RPS6KC1: variants seen among roughly 807,000 people sequenced by gnomAD.
RPS6KC1 encodes the protein inactive ribosomal protein S6 kinase delta-1.
A neutral mutation model predicts 103.8 loss-of-function variants in RPS6KC1; 54 were observed. The observed-to-expected ratio is 0.52, with a 90% CI of 0.42 to 0.65. RPS6KC1 has a LOEUF of 0.65. Among genes scored for constraint, RPS6KC1 ranks in the 30% least tolerant of loss-of-function variants. RPS6KC1 has a pLI of 0.00. For missense variants in RPS6KC1, 1,151 were observed against 1,253.8 expected, an observed-to-expected ratio of 0.92 and a Z score of 1.24; for synonymous variants, 439 against 438.7, an observed-to-expected ratio of 1.00 and a Z score of -0.01.
the RPS6KC1 span, among the ~76,000 whole-genome samples, chr1:213,775,515 G>A: frequency 2.0e-5 from 3 of 152,110 alleles, no homozygotes; most frequent in Non-Finnish European, 2.9e-5. Flanking sequence ...TATCAAGTGT[G>A]CAATAGCATT....
chr1:213,514,673 A>G, the RPS6KC1 span, among the ~76,000 whole-genome samples: 25 of 152,178 alleles, frequency 1.6e-4, no homozygotes, highest in Non-Finnish European at 3.4e-4. Context: ...TATTGTGAAT[A>G]GTGCCGCAAT....
intron 12 of RPS6KC1, among the ~76,000 whole-genome samples, chr1:213,248,456 G>C (rs568776779): frequency 6.6e-6 from 1 of 152,176 alleles, no homozygotes; most frequent in South Asian, 2.1e-4. Context: ...TATTCTTCAG[G>C]AGAACCAGTT....
chr1:213,309,873 C>T, the RPS6KC1 span, among the ~76,000 whole-genome samples: 5 of 152,056 alleles, frequency 3.3e-5, no homozygotes, highest in African/African-American at 9.7e-5. Flanking sequence ...TTAGTGGAGA[C>T]GGGGTTTTGT....
At chr1:213,364,909 G>A in the RPS6KC1 span, among the ~76,000 whole-genome samples, 3 of 152,048 alleles carry the variant, frequency 2.0e-5, no homozygotes, top group African/African-American at 7.2e-5. Context: ...AGTAAGCCGA[G>A]ATCGCACCAC....
At chr1:213,660,358 C>G in the RPS6KC1 span, among the ~76,000 whole-genome samples, 60 of 152,346 alleles carry the variant, frequency 3.9e-4, no homozygotes, top group Middle Eastern at 3.4e-3. Flanking sequence ...ATTTTAGACT[C>G]TACCCTCCTC....
chr1:213,674,845 G>A, the RPS6KC1 span, among the ~76,000 whole-genome samples: 1 of 152,110 alleles, frequency 6.6e-6, no homozygotes, highest in Non-Finnish European at 1.5e-5. Flanking sequence ...ACTGGTATAA[G>A]ATGGTATCTC....
At chr1:213,724,882 A>G in the RPS6KC1 span, among the ~76,000 whole-genome samples, 2 of 152,178 alleles carry the variant, frequency 1.3e-5, no homozygotes, top group African/African-American at 2.4e-5. Flanking sequence ...AAAGAGTGCT[A>G]TCTCTTTTCA....
chr1:213,552,799 C>T, the RPS6KC1 span, among the ~76,000 whole-genome samples: 3 of 152,146 alleles, frequency 2.0e-5, no homozygotes, highest in Non-Finnish European at 4.4e-5. Flanking sequence ...TCTTTGATCA[C>T]TACTCGGAGG....
At chr1:213,328,007 A>G in the RPS6KC1 span, among the ~76,000 whole-genome samples, 1 of 152,118 alleles carries the variant, frequency 6.6e-6, no homozygotes, top group South Asian at 2.1e-4. Flanking sequence ...TTCCCTTTAT[A>G]ACTCTTACCA....
chr1:213,411,307 G>A, the RPS6KC1 span, among the ~76,000 whole-genome samples: 5 of 152,224 alleles, frequency 3.3e-5, no homozygotes, highest in East Asian at 1.9e-4. Context: ...CCACCTGGCC[G>A]AGAGGGAGGT....
At chr1:213,290,144 CAAAA>C in the RPS6KC1 span, among the ~76,000 whole-genome samples, 3 of 70,092 alleles carry the variant, frequency 4.3e-5, no homozygotes, top group East Asian at 1.3e-3. Flanking sequence ...GACTCCGTCT[CAAAA>C]AAAAAAAAAA....
chr1:213,759,527 T>C, the RPS6KC1 span, among the ~76,000 whole-genome samples: 1 of 152,208 alleles, frequency 6.6e-6, no homozygotes, highest in Non-Finnish European at 1.5e-5. Context: ...ATTATTTCCA[T>C]GTCACAGATG....
intron 5 of RPS6KC1, among the ~76,000 whole-genome samples, chr1:213,124,950 A>G (rs545473325): frequency 3.9e-5 from 6 of 152,248 alleles, no homozygotes; most frequent in South Asian, 4.1e-4. Flanking sequence ...ACTTGTGTCT[A>G]ACTCCTTTTT....
chr1:213,369,865 C>T, the RPS6KC1 span, among the ~76,000 whole-genome samples: 4 of 152,116 alleles, frequency 2.6e-5, no homozygotes, highest in Non-Finnish European at 4.4e-5. Flanking sequence ...GGCCTGGGTT[C>T]GGGGGAAGTG....
chr1:213,495,176 G>C, the RPS6KC1 span, among the ~76,000 whole-genome samples: 2 of 152,186 alleles, frequency 1.3e-5, no homozygotes, highest in Non-Finnish European at 1.5e-5. Flanking sequence ...GGAGTCTTTA[G>C]AGAGCAACAT....
chr1:213,286,786 A>T, the RPS6KC1 span, among the ~76,000 whole-genome samples: 1 of 152,258 alleles, frequency 6.6e-6, no homozygotes. Flanking sequence ...ACAATCAGAC[A>T]GGAGCCTCCT....
the RPS6KC1 span, among the ~76,000 whole-genome samples, chr1:213,757,931 G>A: frequency 6.6e-6 from 1 of 152,184 alleles, no homozygotes; most frequent in Non-Finnish European, 1.5e-5. Context: ...GAGCTACAGA[G>A]CCTGGATGAC....
the RPS6KC1 span, among the ~76,000 whole-genome samples, chr1:213,859,247 T>C: frequency 6.6e-6 from 1 of 152,204 alleles, no homozygotes; most frequent in Non-Finnish European, 1.5e-5. Flanking sequence ...ACTTGCAATG[T>C]ATTGTGATTT....
At chr1:213,482,552 T>TG in the RPS6KC1 span, among the ~76,000 whole-genome samples, 1 of 119,816 alleles carries the variant, frequency 8.3e-6, no homozygotes, top group African/African-American at 3.1e-5. Flanking sequence ...TTTTTTTTTT[T>TG]TTTTTTTTTT....
Sources: gnomAD v4.1 joint callset for allele counts (sites outside exome capture counted in the v4.1 genomes callset) on GRCh38, gnomAD v4.1.1 for gene constraint, MANE v1.5 for transcripts, NCBI Gene and HGNC (gene_info 2026-07-23, HGNC 2026-07-21) for gene names.